Variants in WDPCP observed in about 807,000 individuals in gnomAD.
The protein encoded by WDPCP is WD repeat containing planar cell polarity effector.
In WDPCP, 71 loss-of-function variants were observed where a neutral mutation model predicts 93.1. The observed-to-expected ratio is 0.76, with a 90% CI of 0.63 to 0.93. The LOEUF (loss-of-function observed/expected upper bound fraction) is 0.93. Among genes scored for constraint, WDPCP ranks in the 40% least tolerant of loss-of-function variants. The pLI is 0.00. For missense variants in WDPCP, 844 were observed against 887.4 expected, an observed-to-expected ratio of 0.95 and a Z score of 0.62; for synonymous variants, 315 against 315.0, an observed-to-expected ratio of 1.00 and a Z score of 0.00.
At chr2:63,211,221 G>T (rs1031971597) in intron 14 of WDPCP, among the ~76,000 whole-genome samples, 2 of 152,208 alleles carry the variant, frequency 1.3e-5, no homozygotes, top group African/African-American at 4.8e-5. Context: ...GGGGCTGACT[G>T]ACACCTCATA....
chr2:63,617,635 C>G (rs746521646), intron 3 of WDPCP, among the ~76,000 whole-genome samples: 2 of 152,100 alleles, frequency 1.3e-5, no homozygotes, highest in African/African-American at 4.8e-5. Flanking sequence ...AGTTGCCTGC[C>G]TTGTTATACA....
At chr2:63,580,201 T>C (rs1046754174) in intron 1 of WDPCP, among the ~76,000 whole-genome samples, 1 of 152,142 alleles carries the variant, frequency 6.6e-6, no homozygotes, top group African/African-American at 2.4e-5. Context: ...AAACTTACAG[T>C]AGAATGCCAT....
intron 13 of WDPCP, among the ~76,000 whole-genome samples, chr2:63,309,555 C>T (rs564459574): frequency 3.0e-4 from 45 of 152,156 alleles, no homozygotes; most frequent in African/African-American, 8.2e-4. Context: ...ACTTCAATAC[C>T]GTACTCTTAA....
intron 14 of WDPCP, among the ~76,000 whole-genome samples, chr2:63,208,684 A>G (rs1676522818): frequency 6.6e-6 from 1 of 152,164 alleles, no homozygotes. Context: ...GACTTCACAA[A>G]ATCTTCCAAT....
At chr2:63,437,615 G>A in intron 7 of WDPCP, 61 bp from the exon 8 acceptor site, 1 of 1,435,180 alleles carries the variant, frequency 7.0e-7, no homozygotes, top group Non-Finnish European at 9.5e-7. Context: ...TTTTTCCACT[G>A]ATATGTTACA....
At chr2:63,546,918 A>T (rs181384657) in intron 1 of WDPCP, among the ~76,000 whole-genome samples, 174 of 151,916 alleles carry the variant, frequency 1.1e-3, no homozygotes, top group African/African-American at 2.7e-3. Flanking sequence ...CTATTTTTTT[A>T]AAAAAAAGAC....
At chr2:63,716,457 T>G (rs1669337723) in intron 2 of WDPCP, among the ~76,000 whole-genome samples, 1 of 152,252 alleles carries the variant, frequency 6.6e-6, no homozygotes, top group African/African-American at 2.4e-5. Context: ...TGTCATTATT[T>G]TAAACGTCTT....
intron 2 of WDPCP, among the ~76,000 whole-genome samples, chr2:63,692,597 A>G (rs1222301723): frequency 6.6e-6 from 1 of 152,220 alleles, no homozygotes; most frequent in African/African-American, 2.4e-5. Context: ...ATCATTATTT[A>G]TTCAGATCTA....
At chr2:63,528,930 A>G (rs886379542) in intron 1 of WDPCP, among the ~76,000 whole-genome samples, 2 of 152,174 alleles carry the variant, frequency 1.3e-5, no homozygotes, top group Non-Finnish European at 2.9e-5. Flanking sequence ...GGTTCTTCAC[A>G]TCCCTAGTAA....
intron 1 of WDPCP, among the ~76,000 whole-genome samples, chr2:63,575,380 TATATACAC>T: frequency 8.0e-6 from 1 of 125,104 alleles, no homozygotes; most frequent in African/African-American, 2.9e-5. Flanking sequence ...GTATATACAG[TATATACAC>T]GGTATATACA....
chr2:63,723,268 C>A (rs1340613686), intron 2 of WDPCP, among the ~76,000 whole-genome samples: 8 of 147,500 alleles, frequency 5.4e-5, no homozygotes, highest in Non-Finnish European at 1.0e-4. Flanking sequence ...GAGAAACACC[C>A]AAGAATTATC....
At chr2:63,639,244 G>T (rs1709954361) in intron 3 of WDPCP, among the ~76,000 whole-genome samples, 1 of 152,112 alleles carries the variant, frequency 6.6e-6, no homozygotes, top group South Asian at 2.1e-4. Flanking sequence ...TCAAAAAAAA[G>T]AGATCCTCCT....
rs577785162 is a variant in WDPCP at position 63,685,623 on chromosome 2, A to T, written n.309-34785T>A. 9.2e-5 allele frequency among the ~76,000 whole-genome samples: 14 copies of T among 152,334 alleles called. 1 individual carries two copies. The highest frequency in any genetic ancestry group is 3.1e-4 in the African/African-American group (13 of 41,578). On this transcript the variant is annotated intron_variant and non_coding_transcript_variant, in intron 2 of 4. Coordinates refer to the WDPCP transcript ENST00000467687. ...GTTCTGTGACGACAGTATAATCCCG[A>T]TACCAAAAACCAGAAAAGACACATC... is the stretch of plus-strand genomic sequence containing the variant.
rs141324815 is a variant in WDPCP, at chr2:63,792,256, T to C, written n.308+21366A>G. Among the ~76,000 whole-genome samples, 15 of 152,202 alleles carry C rather than the reference T, an allele frequency of 9.9e-5. No individual in the cohort carries two copies. The East Asian group carries it at 2.7e-3, about 27-fold the overall frequency. ...GGAGGCCTCAGGAAACTTACAATCA[T>C]GGCAGAAAAGAAAGCAGTCATGTTT... On this transcript the variant is annotated intron_variant and non_coding_transcript_variant, in intron 2 of 4. Coordinates refer to the WDPCP transcript ENST00000467687.
chr2:63,313,887 T>TATATATATATATATA, intron 12 of WDPCP, among the ~76,000 whole-genome samples: 1 of 57,652 alleles, frequency 1.7e-5, no homozygotes, highest in Non-Finnish European at 5.1e-5. Context: ...TATATATATA[T>TATATATATATATATA]TTTTTTTTTT....
chr2:63,239,689 A>G (rs1679708537), intron 14 of WDPCP, among the ~76,000 whole-genome samples: 1 of 152,140 alleles, frequency 6.6e-6, no homozygotes, highest in African/African-American at 2.4e-5. Context: ...GTTAGCTAAT[A>G]TATGTTAAAT....
chr2:63,345,083 T>C (rs1360379072), intron 12 of WDPCP, among the ~76,000 whole-genome samples: 1 of 152,228 alleles, frequency 6.6e-6, no homozygotes, highest in Non-Finnish European at 1.5e-5. Flanking sequence ...GCATTAATTC[T>C]TGGAGCTTCT....
intron 3 of WDPCP, among the ~76,000 whole-genome samples, chr2:63,616,352 T>C (rs1489099679): frequency 6.6e-6 from 1 of 152,120 alleles, no homozygotes; most frequent in Non-Finnish European, 1.5e-5. Flanking sequence ...AAAAGGTCTG[T>C]TTAGGCCTAA....
intron 2 of WDPCP, among the ~76,000 whole-genome samples, chr2:63,716,123 G>A (rs17619717): frequency 0.35 from 52,752 of 152,052 alleles, 10,057 homozygotes; most frequent in Non-Finnish European, 0.42. Context: ...GTTAGTAAGC[G>A]TTTCTCTGAG....
Sources: allele counts gnomAD v4.1 joint callset (sites outside exome capture counted in the v4.1 genomes callset), GRCh38; gene constraint gnomAD v4.1.1; transcripts MANE v1.5; gene names NCBI Gene and HGNC (gene_info 2026-07-23, HGNC 2026-07-21).